The following PMM2 variants were observed in gnomAD, a reference collection of about 807,000 sequenced individuals.
PMM2 encodes mannose-6-phosphate isomerase.
A neutral mutation model predicts 33.2 loss-of-function variants in PMM2; 35 were observed. That is an observed-to-expected ratio of 1.06 (90% CI 0.81 to 1.40). The LOEUF is 1.40. Ranked by LOEUF, PMM2 falls within the 40% of genes most tolerant of loss-of-function variation. PMM2 has a pLI of 0.00. For missense variants in PMM2, 386 were observed against 306.0 expected, an observed-to-expected ratio of 1.26 and a Z score of -1.95; for synonymous variants, 153 against 114.7, an observed-to-expected ratio of 1.33 and a Z score of -2.13.
Position 8,811,696 on chromosome 16 carries a change from G to C in PMM2, c.506G>C (p.Gly169Ala), listed in dbSNP as rs2060678848. The stretch of plus-strand genomic sequence containing the variant: ...CTACGGAAAGAGTTTGCTGGAAAAG[G>C]CCTCACGTTTTCCATAGGTATTGTA... ...ADLRKEFAGK[G>A]LTFSIGGQIS... Residue 169 changes from glycine (G) to alanine (A), a missense_variant, in exon 6 of 8, where the codon GGC becomes GCC. Transcript: ENST00000268261. 6.2e-7 allele frequency: 1 copy of C among 1,611,910 alleles called. No individual in the cohort carries two copies. Among genetic ancestry groups the C allele is most frequent in the Middle Eastern group, 1.7e-4 (1 of 6,058 alleles).
intron 7 of PMM2, among the ~76,000 whole-genome samples, chr16:8,818,342 G>C (rs1469940295): frequency 2.0e-5 from 3 of 152,096 alleles, no homozygotes; most frequent in Non-Finnish European, 4.4e-5. Context: ...ACGATTCTTT[G>C]CCCCCATCCC....
chr16:8,847,029 A>G (rs1390736983), intron 7 of PMM2, among the ~76,000 whole-genome samples: 1 of 152,110 alleles, frequency 6.6e-6, no homozygotes, highest in South Asian at 2.1e-4. Context: ...ATGCCCAGCT[A>G]ATTTTTGTAT....
At chr16:8,824,197 T>C (rs1299173353) in intron 7 of PMM2, among the ~76,000 whole-genome samples, 1 of 152,220 alleles carries the variant, frequency 6.6e-6, no homozygotes, top group East Asian at 1.9e-4. Flanking sequence ...GGATTAACAA[T>C]GTTTAACACA....
chr16:8,827,896 ATG>A (rs200857368), intron 7 of PMM2, among the ~76,000 whole-genome samples: 47,378 of 114,542 alleles, frequency 0.41, 9,642 homozygotes, highest in Non-Finnish European at 0.43. Flanking sequence ...TATGATATAT[ATG>A]ATATATATTA....
intron 7 of PMM2, among the ~76,000 whole-genome samples, chr16:8,815,068 C>A (rs1424532413): frequency 6.6e-6 from 1 of 152,140 alleles, no homozygotes; most frequent in Non-Finnish European, 1.5e-5. Flanking sequence ...ATATCTGATA[C>A]AAGGGGAATC....
At chr16:8,798,981 G>C (rs149573798) in intron 1 of PMM2, among the ~76,000 whole-genome samples, 104 of 152,228 alleles carry the variant, frequency 6.8e-4, no homozygotes, top group African/African-American at 2.2e-3. Context: ...TTCTTCAAAG[G>C]CTTTTTCTGA....
At position 8,847,946 on chromosome 16, in the gene PMM2, A is replaced by C. The variant is rs2060939247; in HGVS notation, c.*121A>C. Reference sequence around the variant, plus strand: ...GCAGCCTAGGCAGGCTCTGCATGCTATGCCAGGCATGTGCAGTCTGGACTT... The same window carrying C: ...GCAGCCTAGGCAGGCTCTGCATGCTCTGCCAGGCATGTGCAGTCTGGACTT... On this transcript the variant is annotated 3_prime_UTR_variant, in exon 8 of 8. Coordinates refer to ENST00000268261, the MANE Select transcript of PMM2 (RefSeq NM_000303.3). 12 of 718,118 alleles carry C rather than the reference A, an allele frequency of 1.7e-5. No homozygotes were observed. The highest frequency in any genetic ancestry group is 1.5e-4 in the South Asian group (10 of 65,832). 44.5% of individuals were successfully genotyped at this position (718,118 alleles called of 1,614,324 possible).
chr16:8,820,470 C>A (rs1051840103), intron 7 of PMM2, among the ~76,000 whole-genome samples: 5 of 151,636 alleles, frequency 3.3e-5, no homozygotes, highest in Non-Finnish European at 7.4e-5. Flanking sequence ...CCTCCCACTT[C>A]AGCCTCCTGA....
intron 5 of PMM2, 104 bp from the exon 6 acceptor site, chr16:8,811,534 A>G (rs2060677637): frequency 1.2e-6 from 1 of 808,476 alleles, no homozygotes; most frequent in Non-Finnish European, 2.1e-6. Flanking sequence ...AACTAAACAA[A>G]TAAATAAATC....
rs576521391 is a variant in PMM2, at chr16:8,838,073, C to T, written c.640-9651C>T. On this transcript the variant is annotated intron_variant, in intron 7 of 7. Coordinates refer to ENST00000268261, the MANE Select transcript of PMM2 (RefSeq NM_000303.3). Reference sequence around the variant, plus strand: ...GGCGGGCTGAGTCCGAAAAGAGAGTCAGCAAAGGGTGGTGGATTATCATTA... The same window carrying T: ...GGCGGGCTGAGTCCGAAAAGAGAGTTAGCAAAGGGTGGTGGATTATCATTA... Among the ~76,000 whole-genome samples, 13 of 152,164 alleles carry T rather than the reference C, an allele frequency of 8.5e-5. No individual in the cohort carries two copies. The East Asian group carries it at 2.5e-3, about 29-fold the overall frequency.
chr16:8,839,950 A>G (rs1029054409), intron 7 of PMM2, among the ~76,000 whole-genome samples: 4 of 148,134 alleles, frequency 2.7e-5, no homozygotes, highest in South Asian at 2.2e-4. Context: ...TGTCTGGGGA[A>G]GTCTTGCTGG....
intron 7 of PMM2, among the ~76,000 whole-genome samples, chr16:8,835,506 A>C (rs536330646): frequency 6.6e-6 from 1 of 152,168 alleles, no homozygotes; most frequent in East Asian, 1.9e-4. Context: ...TAAAGAAAGC[A>C]TGTTTGAGAT....
chr16:8,798,180 C>A (rs1226028249), intron 1 of PMM2, among the ~76,000 whole-genome samples: 1 of 152,256 alleles, frequency 6.6e-6, no homozygotes, highest in Admixed American at 6.5e-5. Context: ...CTCTTAAGAG[C>A]AGGAAACTTG....
intron 7 of PMM2, among the ~76,000 whole-genome samples, chr16:8,829,433 G>A (rs1378734589): frequency 6.6e-6 from 1 of 152,204 alleles, no homozygotes; most frequent in Non-Finnish European, 1.5e-5. Flanking sequence ...TGGAACCACA[G>A]GCAAAAGCCT....
At chr16:8,822,587 A>C (rs1468771016) in intron 7 of PMM2, among the ~76,000 whole-genome samples, 1 of 152,208 alleles carries the variant, frequency 6.6e-6, no homozygotes, top group Non-Finnish European at 1.5e-5. Flanking sequence ...TCACCATCAT[A>C]ATTTTCTCAG....
intron 7 of PMM2, among the ~76,000 whole-genome samples, chr16:8,830,329 A>T (rs1462223502): frequency 1.3e-5 from 2 of 152,192 alleles, no homozygotes; most frequent in East Asian, 3.9e-4. Flanking sequence ...CTAGACAGCC[A>T]ATTTATCAAG....
At chr16:8,816,347 A>C (rs2060708037) in intron 7 of PMM2, among the ~76,000 whole-genome samples, 1 of 151,554 alleles carries the variant, frequency 6.6e-6, no homozygotes, top group Non-Finnish European at 1.5e-5. Flanking sequence ...CCTGGTCTCG[A>C]ACTCATGACC....
chr16:8,799,801 C>T (rs1295402058), intron 1 of PMM2, among the ~76,000 whole-genome samples: 1 of 152,090 alleles, frequency 6.6e-6, no homozygotes, highest in African/African-American at 2.4e-5. Context: ...CCGCCTCGGC[C>T]TCCCAAAGTG....
intron 3 of PMM2, 40 bp from the exon 4 acceptor site, chr16:8,806,276 T>C: frequency 1.5e-6 from 2 of 1,329,020 alleles, no homozygotes; most frequent in Non-Finnish European, 2.2e-6. Context: ...TTGAAAATGC[T>C]CCTGCTAAAT....
Sources: allele counts gnomAD v4.1 joint callset (sites outside exome capture counted in the v4.1 genomes callset), GRCh38; gene constraint gnomAD v4.1.1; transcripts MANE v1.5; gene names NCBI Gene and HGNC (gene_info 2026-07-23, HGNC 2026-07-21).